Variants in PIK3CB observed in about 807,000 individuals in gnomAD.
The protein encoded by PIK3CB is phosphatidylinositol-4,5-bisphosphate 3-kinase catalytic subunit beta, also known as phosphatidylinositol 4,5-bisphosphate 3-kinase catalytic subunit beta isoform.
In PIK3CB, 39 loss-of-function variants were observed where a neutral mutation model predicts 136.8. The ratio of observed to expected loss-of-function variants is 0.29; its 90% CI spans 0.22 to 0.37. PIK3CB has a LOEUF of 0.37. Among genes scored for constraint, PIK3CB ranks in the 10% least tolerant of loss-of-function variants. PIK3CB has a pLI of 1.00. For synonymous variants in PIK3CB, 428 were observed against 436.6 expected, an observed-to-expected ratio of 0.98 and a Z score of 0.25; for missense variants, 868 against 1,275.4, an observed-to-expected ratio of 0.68 and a Z score of 4.87.
In PIK3CB at chr3:138,714,711, G is replaced by A. The variant is rs1298478666; in HGVS notation, c.1059C>T (p.Val353=). 1 of 1,598,004 alleles carries A rather than the reference G, an allele frequency of 6.3e-7. No individual in the cohort carries two copies. The highest frequency in any genetic ancestry group is 2.2e-5 in the East Asian group (1 of 44,572). The change falls in exon 9 of 24, where the codon GTC becomes GTT. Residue 353 remains valine, a synonymous_variant. Coordinates refer to ENST00000674063, the MANE Select transcript of PIK3CB (RefSeq NM_006219.3). Reference sequence around the variant, plus strand: ...CAGTACCATGAAAAAGACCAGCCCTGACATGAACCTGTAACGAAGCAGACA... The same window carrying A: ...CAGTACCATGAAAAAGACCAGCCCTAACATGAACCTGTAACGAAGCAGACA... The part of the protein sequence containing the change: ...LNTEETVKVH[V]RAGLFHGTEL...
intron 2 of PIK3CB, among the ~76,000 whole-genome samples, chr3:138,766,245 TA>T (rs2045730978): frequency 6.6e-6 from 1 of 152,200 alleles, no homozygotes; most frequent in Non-Finnish European, 1.5e-5. Context: ...CTCCTAAATT[TA>T]AATAGGCTGA....
At chr3:138,754,908 C>T (rs1316081729) in intron 4 of PIK3CB, among the ~76,000 whole-genome samples, 1 of 152,130 alleles carries the variant, frequency 6.6e-6, no homozygotes, top group African/African-American at 2.4e-5. Flanking sequence ...CCTCAGTAAC[C>T]TTTTGTAGTT....
chr3:138,825,773 T>C (rs1341473868), intron 1 of PIK3CB: 10 of 783,378 alleles, frequency 1.3e-5, no homozygotes, highest in Non-Finnish European at 2.0e-5. Flanking sequence ...CCCGGAATGG[T>C]GGTCACCTTT....
intron 5 of PIK3CB, among the ~76,000 whole-genome samples, chr3:138,741,826 T>TAA (rs754247884): frequency 7.7e-6 from 1 of 129,674 alleles, no homozygotes; most frequent in Non-Finnish European, 1.7e-5. Context: ...AGACTCCGTC[T>TAA]AAAAAAAAAA....
At chr3:138,815,059 G>A (rs1933243768) in intron 1 of PIK3CB, among the ~76,000 whole-genome samples, 1 of 139,672 alleles carries the variant, frequency 7.2e-6, no homozygotes, top group South Asian at 2.3e-4. Context: ...AGAATGGCAT[G>A]AACCTAGGAG....
Position 138,742,701 on chromosome 3 carries a change from T to C in PIK3CB, c.478A>G (p.Ile160Val), listed in dbSNP as rs2045269143. 1 of 1,613,410 alleles carries C rather than the reference T, an allele frequency of 6.2e-7. No individual in the cohort carries two copies. Among genetic ancestry groups the C allele is most frequent in the Non-Finnish European group, 8.5e-7 (1 of 1,179,510 alleles). Residue 160 changes from isoleucine to valine, a missense_variant, in exon 5 of 24, where the codon ATC becomes GTC. Physicochemically the swap from Ile to Val is conservative, Grantham distance 29. Around this residue, in one of 4 missense-constraint regions of PIK3CB, gnomAD observed 612 missense variants for 801.1 expected, o/e 0.76. Coordinates refer to ENST00000674063, the MANE Select transcript of PIK3CB (RefSeq NM_006219.3). Reference sequence around the variant, plus strand: ...CAAGACAATCCCACAAGTGACAGGATTTTTTCCTCGCTGAATTTGCGCATT... The same window carrying C: ...CAAGACAATCCCACAAGTGACAGGACTTTTTCCTCGCTGAATTTGCGCATT... The part of the protein sequence containing the change: ...RKMRKFSEEK[I>V]LSLVGLSWMD...
chr3:138,751,971 TAA>T (rs11328258), intron 4 of PIK3CB, among the ~76,000 whole-genome samples: 1,173 of 114,612 alleles, frequency 0.01, 9 homozygotes, highest in African/African-American at 0.031. Context: ...ACTCTGTATA[TAA>T]AAAAAAAAAA....
chr3:138,665,909 T>C (rs2043400588), intron 19 of PIK3CB, among the ~76,000 whole-genome samples: 2 of 152,140 alleles, frequency 1.3e-5, no homozygotes, highest in African/African-American at 4.8e-5. Flanking sequence ...TCATGCTGAC[T>C]TCTCATTTCT....
At chr3:138,680,016 T>C (rs1045510236) in intron 19 of PIK3CB, among the ~76,000 whole-genome samples, 3 of 142,922 alleles carry the variant, frequency 2.1e-5, no homozygotes, top group Non-Finnish European at 4.6e-5. Flanking sequence ...GCTGAAACCA[T>C]ACTAATAAGG....
intron 21 of PIK3CB, among the ~76,000 whole-genome samples, chr3:138,659,333 T>G (rs968618269): frequency 2.6e-5 from 4 of 152,152 alleles, no homozygotes; most frequent in African/African-American, 9.7e-5. Context: ...ACCCTGCAAG[T>G]TGGAAAAATG....
chr3:138,831,281 A>AAATT (rs1553745244), intron 1 of PIK3CB, among the ~76,000 whole-genome samples: 18 of 148,390 alleles, frequency 1.2e-4, no homozygotes, highest in Middle Eastern at 3.5e-3. Flanking sequence ...AAAATAAAAT[A>AAATT]AAATTAAATT....
intron 2 of PIK3CB, among the ~76,000 whole-genome samples, chr3:138,765,610 A>C (rs1331706457): frequency 6.7e-6 from 1 of 149,710 alleles, no homozygotes; most frequent in African/African-American, 2.5e-5. Flanking sequence ...TGGGAGGCTG[A>C]GGTGGGGGGA....
At chr3:138,811,240 CAA>C (rs558228212) in intron 1 of PIK3CB, among the ~76,000 whole-genome samples, 2 of 23,442 alleles carry the variant, frequency 8.5e-5, no homozygotes, top group African/African-American at 1.6e-4. Flanking sequence ...AAGACTCTGC[CAA>C]AAAAAAAAAA....
chr3:138,806,873 AG>A (rs1286448854), intron 1 of PIK3CB, among the ~76,000 whole-genome samples: 1 of 152,208 alleles, frequency 6.6e-6, no homozygotes, highest in Non-Finnish European at 1.5e-5. Context: ...GATTCTAGGC[AG>A]GGGATAAGAG....
intron 2 of PIK3CB, chr3:138,778,620 C>A: frequency 4.8e-6 from 1 of 208,048 alleles, no homozygotes; most frequent in Non-Finnish European, 9.7e-6. Context: ...TGGGAGGACC[C>A]CTCAAAGGCA....
chr3:138,757,430 A>C (rs1425633964), intron 3 of PIK3CB, among the ~76,000 whole-genome samples: 2 of 150,806 alleles, frequency 1.3e-5, no homozygotes, highest in Non-Finnish European at 3.0e-5. Flanking sequence ...AACAAAAAAA[A>C]ACCCACAATG....
rs531318248 is a variant in PIK3CB at position 138,795,395 on chromosome 3, T to C, written c.-17+1068A>G. Reference sequence around the variant, plus strand: ...TAATCCCACCCAGCACTTTGGGAGGTTGAGGCGGGCAGATCACCTGAGGTC... The same window carrying C: ...TAATCCCACCCAGCACTTTGGGAGGCTGAGGCGGGCAGATCACCTGAGGTC... On this transcript the variant is annotated intron_variant, in intron 2 of 23. Transcript: ENST00000674063. Among the ~76,000 whole-genome samples the C allele has an allele frequency of 6.3e-4, 89 of 142,030 alleles. 1 individual carries two copies. Among genetic ancestry groups the C allele is most frequent in the Non-Finnish European group, 1.1e-3 (75 of 65,644 alleles). The allele number at this position is 142,030 out of a possible 152,430, so 93.2% of individuals were successfully genotyped here.
chr3:138,757,018 T>A (rs371806605), intron 3 of PIK3CB, among the ~76,000 whole-genome samples: 12 of 151,944 alleles, frequency 7.9e-5, no homozygotes, highest in Admixed American at 1.3e-4. Flanking sequence ...TCAGTACAGG[T>A]CTAGAAAAGA....
Position 138,655,234 on chromosome 3 carries a change from T to C in PIK3CB, c.*155A>G, listed in dbSNP as rs2043171245. The C allele has an allele frequency of 1.5e-6, 1 of 677,076 alleles. No homozygotes were observed. The allele number at this position is 677,076 out of a possible 1,614,324, so 41.9% of individuals were successfully genotyped here. On this transcript the variant is annotated 3_prime_UTR_variant, in exon 24 of 24. Transcript: ENST00000674063. Reference sequence around the variant, plus strand: ...GGGAATCATCGGGGATTGTTCAGATTAGGTTCTGTGGGATGCCTTGTTCTT... The same window carrying C: ...GGGAATCATCGGGGATTGTTCAGATCAGGTTCTGTGGGATGCCTTGTTCTT...
Sources: gnomAD v4.1 joint callset for allele counts (sites outside exome capture counted in the v4.1 genomes callset) on GRCh38, gnomAD v4.1.1 for gene constraint, gnomAD v4.1.1 regional missense constraint, MANE v1.5 for transcripts, NCBI Gene and HGNC (gene_info 2026-07-23, HGNC 2026-07-21) for gene names.